Variants in SPRY3 observed in about 807,000 individuals in gnomAD.
The protein encoded by SPRY3 is protein sprouty homolog 3.
In SPRY3, 15 loss-of-function variants were observed where a neutral mutation model predicts 20.2. That is an observed-to-expected ratio of 0.74 (90% CI 0.50 to 1.14). The LOEUF (loss-of-function observed/expected upper bound fraction) is 1.14, where lower values mean the gene tolerates loss of function less well. Among genes scored for constraint, SPRY3 ranks in the 50% most tolerant of loss-of-function variants. The pLI, the probability that SPRY3 is intolerant of heterozygous loss-of-function variation, is 0.00. For synonymous variants in SPRY3, 143 were observed against 136.5 expected (o/e 1.05, Z -0.33); for missense variants, 364 against 363.9 (o/e 1.00, Z 0.00).
rs143629358 is a variant in SPRY3 at position 155,731,014 on chromosome X, T to A, written c.-281-36948T>A. 1.1e-3 allele frequency among the ~76,000 whole-genome samples: 167 copies of A among 151,772 alleles called. 3 individuals are homozygous for A. In the East Asian group the frequency reaches 0.03, roughly 27 times the overall value. ...TTGATGAAAGAAATTGCAGAGGACA[T>A]ACAAAAAAAAGAAAAGATATTCTAT... On this transcript the variant is annotated intron_variant, in intron 2 of 3. Transcript: ENST00000675360.
At chrX:155,648,150 G>GT (rs199786079) in intron 1 of SPRY3, among the ~76,000 whole-genome samples, 1,352 of 112,192 alleles carry the variant, frequency 0.012, 19 homozygotes, top group South Asian at 0.095. Context: ...CGATAGGGTT[G>GT]TTTTTTTCTT....
intron 2 of SPRY3, among the ~76,000 whole-genome samples, chrX:155,726,748 C>T (rs750029585): frequency 3.7e-4 from 56 of 152,250 alleles, no homozygotes; most frequent in Middle Eastern, 3.4e-3. Context: ...GAATACAGCA[C>T]ACTGATGGGT....
chrX:155,650,592 G>A (rs1356456061), intron 1 of SPRY3, among the ~76,000 whole-genome samples: 4 of 112,079 alleles, frequency 3.6e-5, no homozygotes, highest in Admixed American at 9.4e-5. Context: ...ATTAGATCAA[G>A]TTTATTAATT....
intron 1 of SPRY3, among the ~76,000 whole-genome samples, chrX:155,648,247 G>T (rs1480608786): frequency 8.9e-6 from 1 of 112,306 alleles, no homozygotes; most frequent in Non-Finnish European, 1.9e-5. Context: ...CATTCTGTAG[G>T]TTGCTGGTTC....
At chrX:155,679,128 A>G (rs753045242) in intron 2 of SPRY3, among the ~76,000 whole-genome samples, 4 of 111,564 alleles carry the variant, frequency 3.6e-5, no homozygotes, top group Admixed American at 9.5e-5. Flanking sequence ...GCAAACCACC[A>G]TGGCATGTGT....
intron 2 of SPRY3, among the ~76,000 whole-genome samples, chrX:155,765,742 T>A (rs2091324025): frequency 6.6e-6 from 1 of 152,188 alleles, no homozygotes; most frequent in South Asian, 2.1e-4. Flanking sequence ...AACCCAGCTA[T>A]TCAACTTTAA....
At chrX:155,775,004 G>T in exon 4 of SPRY3, 1 of 560,330 alleles carries the variant, frequency 1.8e-6, no homozygotes, top group Non-Finnish European at 3.2e-6. Context: ...GTGATATATG[G>T]GTATGAGGTT....
At chrX:155,760,138 T>A (rs2091298465) in intron 2 of SPRY3, among the ~76,000 whole-genome samples, 2 of 152,234 alleles carry the variant, frequency 1.3e-5, no homozygotes, top group Non-Finnish European at 2.9e-5. Flanking sequence ...AATAGAGTAG[T>A]AATCTCTCAG....
Position 155,767,285 on chromosome X carries a change from T to TC in SPRY3, c.-281-673dup, listed in dbSNP as rs200228981. ...GCAATAAATCCCTTCTTTCCCATCC[T>TC]CCCCTATAACCCATTCACAAGACCT... On this transcript the variant is annotated intron_variant, in intron 2 of 3. Transcript: ENST00000675360. Among the ~76,000 whole-genome samples the TC allele has an allele frequency of 4.0e-4, 61 of 151,710 alleles. No individual in the cohort carries two copies. In the East Asian group the frequency reaches 0.011, roughly 27 times the overall value.
intron 2 of SPRY3, among the ~76,000 whole-genome samples, chrX:155,746,703 C>A (rs1360129360): frequency 6.6e-6 from 1 of 151,938 alleles, no homozygotes; most frequent in Non-Finnish European, 1.5e-5. Context: ...ATTGGGTACT[C>A]AAATTCTGGA....
intron 2 of SPRY3, among the ~76,000 whole-genome samples, chrX:155,696,893 T>A (rs1176757607): frequency 1.8e-5 from 2 of 112,023 alleles, no homozygotes; most frequent in African/African-American, 6.5e-5. Flanking sequence ...ATGTCAAGAT[T>A]AAATCTGTGA....
intron 2 of SPRY3, among the ~76,000 whole-genome samples, chrX:155,730,394 G>A (rs1421557856): frequency 6.6e-6 from 1 of 151,950 alleles, no homozygotes. Flanking sequence ...ATGCAGATTG[G>A]GCAATATGAT....
At chrX:155,694,873 A>C (rs1603138996) in intron 2 of SPRY3, among the ~76,000 whole-genome samples, 1 of 111,149 alleles carries the variant, frequency 9.0e-6, no homozygotes, top group Non-Finnish European at 1.9e-5. Context: ...AGTGGCTGTA[A>C]ATACAGATGA....
chrX:155,768,083 G>C (rs1302521209), exon 3 of SPRY3: 4 of 152,136 alleles, frequency 2.6e-5, no homozygotes, highest in African/African-American at 9.7e-5. Context: ...CTTTGAGCCA[G>C]ATGGGGCATT....
chrX:155,617,232 T>C (rs2067856643), intron 1 of SPRY3, among the ~76,000 whole-genome samples: 1 of 109,317 alleles, frequency 9.1e-6, no homozygotes, highest in African/African-American at 3.3e-5. Flanking sequence ...GCACATATCA[T>C]AGGACATGGC....
intron 2 of SPRY3, among the ~76,000 whole-genome samples, chrX:155,716,172 C>T (rs2091021048): frequency 6.6e-6 from 1 of 152,126 alleles, no homozygotes; most frequent in Non-Finnish European, 1.5e-5. Flanking sequence ...TAATCTTTTT[C>T]TCTGAATTCT....
At chrX:155,724,266 G>A (rs1189193781) in intron 2 of SPRY3, among the ~76,000 whole-genome samples, 1 of 152,034 alleles carries the variant, frequency 6.6e-6, no homozygotes, top group East Asian at 1.9e-4. Context: ...TTGGCTATGC[G>A]GGCTCCTTTT....
chrX:155,633,398 A>G (rs2067913307), intron 1 of SPRY3, among the ~76,000 whole-genome samples: 1 of 106,561 alleles, frequency 9.4e-6, no homozygotes, highest in African/African-American at 3.4e-5. Flanking sequence ...AAAAAAAAAA[A>G]AAAAAGTTCA....
At chrX:155,757,881 G>C (rs1399386815) in intron 2 of SPRY3, among the ~76,000 whole-genome samples, 4 of 152,128 alleles carry the variant, frequency 2.6e-5, no homozygotes, top group African/African-American at 9.7e-5. Context: ...CAGTGGATTG[G>C]ATAAACAAGT....
Sources: allele counts gnomAD v4.1 joint callset (sites outside exome capture counted in the v4.1 genomes callset), GRCh38; gene constraint gnomAD v4.1.1; transcripts MANE v1.5; gene names NCBI Gene and HGNC (gene_info 2026-07-23, HGNC 2026-07-21).